The following TJP1 variants were observed in gnomAD, a reference collection of about 807,000 sequenced individuals.
TJP1 encodes tight junction protein ZO-1.
In TJP1, 43 loss-of-function variants were observed where a neutral mutation model predicts 194.2. That is an observed-to-expected ratio of 0.22 (90% CI 0.17 to 0.29). The LOEUF (loss-of-function observed/expected upper bound fraction) is 0.29. Ranked by LOEUF, TJP1 falls within the 10% of genes least tolerant of loss-of-function variation. The pLI is 1.00. For synonymous variants in TJP1, 801 were observed against 779.0 expected, an observed-to-expected ratio of 1.03 and a Z score of -0.47; for missense variants, 1,971 against 2,185.7, an observed-to-expected ratio of 0.90 and a Z score of 1.96.
chr15:29,707,466 A>G (rs185639803), intron 25 of TJP1, among the ~76,000 whole-genome samples: 1 of 152,142 alleles, frequency 6.6e-6, no homozygotes, highest in Non-Finnish European at 1.5e-5. Flanking sequence ...CCATCTGTGG[A>G]TGTGCAGAGC....
chr15:29,763,801 G>A (rs186565314), intron 5 of TJP1, among the ~76,000 whole-genome samples: 57 of 150,680 alleles, frequency 3.8e-4, no homozygotes, highest in African/African-American at 1.3e-3. Flanking sequence ...CAGAATTACA[G>A]TTTAACTTAA....
chr15:29,762,275 T>A (rs2046055544), intron 6 of TJP1, 60 bp downstream of exon 6: 1 of 1,403,496 alleles, frequency 7.1e-7, no homozygotes, highest in Non-Finnish European at 9.9e-7. Context: ...ACAGACTACA[T>A]GGTAACTCTA....
chr15:29,718,022 T>C lies in TJP1; in HGVS notation c.3973A>G (p.Arg1325Gly), dbSNP rs2042674139. ...QFSEHDKTLY[R>G]IPEPQKPQLK... Reference sequence around the variant, plus strand: ...ACAAAGAGCACAAAGTGTACTCACCTGTACAGAGTTTTGTCATGTTCACTG... The same window carrying C: ...ACAAAGAGCACAAAGTGTACTCACCCGTACAGAGTTTTGTCATGTTCACTG... Residue 1325 changes from arginine to glycine, a missense_variant and splice_region_variant, in exon 22 of 28, where the codon AGG becomes GGG. This residue lies in a region of TJP1 where 1,108 missense variants were observed against 1,128.5 expected (regional missense o/e 0.98). Coordinates refer to ENST00000614355, the MANE Select transcript of TJP1 (RefSeq NM_001330239.4). 6.2e-7 allele frequency: 1 copy of C among 1,608,844 alleles called. No individual in the cohort carries two copies. The highest frequency in any genetic ancestry group is 1.3e-5 in the African/African-American group (1 of 74,432).
At chr15:29,946,628 C>T (rs2055293043) in intron 2 of TJP1, among the ~76,000 whole-genome samples, 1 of 152,176 alleles carries the variant, frequency 6.6e-6, no homozygotes, top group Non-Finnish European at 1.5e-5. Context: ...TTTGTCAAGG[C>T]CATGAAGGAC....
intron 18 of TJP1, among the ~76,000 whole-genome samples, chr15:29,725,626 T>A (rs1297085027): frequency 6.6e-6 from 1 of 151,610 alleles, no homozygotes; most frequent in African/African-American, 2.4e-5. Context: ...AATGATTAAC[T>A]CTCCAGACAA....
intron 2 of TJP1, among the ~76,000 whole-genome samples, chr15:29,847,331 A>T (rs1387002646): frequency 6.6e-6 from 1 of 151,672 alleles, no homozygotes; most frequent in Non-Finnish European, 1.5e-5. Context: ...CAGCCTTTTG[A>T]TTTTTTGCTT....
At chr15:29,869,953 C>T (rs1454422022) in intron 2 of TJP1, among the ~76,000 whole-genome samples, 2 of 151,608 alleles carry the variant, frequency 1.3e-5, no homozygotes, top group African/African-American at 4.8e-5. Flanking sequence ...ATTATAAGTG[C>T]CCACCACCAC....
chr15:29,746,343 A>T (rs566984648), intron 8 of TJP1, among the ~76,000 whole-genome samples: 1 of 152,014 alleles, frequency 6.6e-6, no homozygotes, highest in African/African-American at 2.4e-5. Flanking sequence ...GAGCCACTGC[A>T]CTCCAGCCTG....
At chr15:29,868,015 A>T (rs1009814458) in intron 2 of TJP1, among the ~76,000 whole-genome samples, 8 of 147,582 alleles carry the variant, frequency 5.4e-5, no homozygotes, top group Non-Finnish European at 1.0e-4. Flanking sequence ...CTGAGATCAC[A>T]CCACTGCACT....
At chr15:29,790,751 CTTTTTT>C (rs926624507) in intron 2 of TJP1, among the ~76,000 whole-genome samples, 1 of 130,798 alleles carries the variant, frequency 7.6e-6, no homozygotes, top group Admixed American at 7.8e-5. Context: ...GTTCATTTTT[CTTTTTT>C]TTTTTTTTTT....
intron 15 of TJP1, chr15:29,728,239 G>A: frequency 2.3e-6 from 1 of 434,064 alleles, no homozygotes; most frequent in Non-Finnish European, 4.1e-6. Flanking sequence ...AAAAAACTTA[G>A]CCATTAAAGA....
chr15:29,869,637 G>A (rs150509658), intron 2 of TJP1, among the ~76,000 whole-genome samples: 3 of 151,968 alleles, frequency 2.0e-5, no homozygotes, highest in African/African-American at 4.8e-5. Context: ...CTGCTGAGGC[G>A]ACTTATCAGT....
At chr15:29,838,492 C>T (rs547831983) in intron 2 of TJP1, among the ~76,000 whole-genome samples, 2 of 152,104 alleles carry the variant, frequency 1.3e-5, no homozygotes, top group Non-Finnish European at 2.9e-5. Flanking sequence ...CACACCCAGC[C>T]CCTCCAATGT....
intron 8 of TJP1, among the ~76,000 whole-genome samples, chr15:29,749,151 T>G (rs186053498): frequency 1.2e-3 from 186 of 151,832 alleles, no homozygotes; most frequent in African/African-American, 4.1e-3. Flanking sequence ...TTCTGTTGTT[T>G]TTTTTTTTTT....
chr15:29,956,092 G>A (rs1282233242), intron 2 of TJP1: 2 of 619,384 alleles, frequency 3.2e-6, no homozygotes, highest in Non-Finnish European at 4.4e-6. Flanking sequence ...CATTCTGGTT[G>A]GTAAACTGTT....
At chr15:29,914,155 A>G (rs944171190) in intron 2 of TJP1, among the ~76,000 whole-genome samples, 1 of 152,152 alleles carries the variant, frequency 6.6e-6, no homozygotes, top group African/African-American at 2.4e-5. Context: ...AACATTTCAT[A>G]TGACTTGAGG....
At position 29,742,752 on chromosome 15, in the gene TJP1, G is replaced by C. The variant is rs766078480; in HGVS notation, c.1040C>G (p.Ser347Cys). The change falls in exon 9 of 28, where the codon TCT becomes TGT. Residue 347 changes from serine (S) to cysteine (C), a missense_variant. By Grantham distance (112) the Ser-to-Cys change is moderately radical. Coordinates refer to ENST00000614355, the MANE Select transcript of TJP1 (RefSeq NM_001330239.4). ...AGGAGTTGAGACAGCCCCAGGTTTA[G>C]AAATTCTCTCTTCATCTCTACTCCG... ...SLRSRDEERI[S>C]KPGAVSTPVK... is the part of the protein sequence containing the mutation. 1.9e-6 allele frequency: 3 copies of C among 1,606,042 alleles called. No homozygotes were observed. Among genetic ancestry groups the C allele is most frequent in the Admixed American group, 1.7e-5 (1 of 58,414 alleles).
At chr15:29,787,107 T>A (rs898413519) in intron 2 of TJP1, among the ~76,000 whole-genome samples, 1 of 152,206 alleles carries the variant, frequency 6.6e-6, no homozygotes, top group Non-Finnish European at 1.5e-5. Context: ...CCGATAAAAT[T>A]CCTTTTATCA....
intron 2 of TJP1, among the ~76,000 whole-genome samples, chr15:29,792,856 A>G (rs1229790808): frequency 6.6e-6 from 1 of 151,878 alleles, no homozygotes; most frequent in Non-Finnish European, 1.5e-5. Flanking sequence ...TAGGTATTTT[A>G]TTTTATTTTA....
Sources: gnomAD v4.1 joint callset for allele counts (sites outside exome capture counted in the v4.1 genomes callset) on GRCh38, gnomAD v4.1.1 for gene constraint, gnomAD v4.1.1 regional missense constraint, MANE v1.5 for transcripts, NCBI Gene and HGNC (gene_info 2026-07-23, HGNC 2026-07-21) for gene names.